ELMO1: variants seen among roughly 807,000 people sequenced by gnomAD.
The protein encoded by ELMO1 is engulfment and cell motility 1, also known as engulfment and cell motility protein 1.
In ELMO1, 26 loss-of-function variants were observed where a neutral mutation model predicts 98.9. The observed-to-expected ratio is 0.26, with a 90% CI of 0.19 to 0.36. The LOEUF (loss-of-function observed/expected upper bound fraction) is 0.36, where lower values mean the gene tolerates loss of function less well. Among genes scored for constraint, ELMO1 ranks in the 10% least tolerant of loss-of-function variants. ELMO1 has a pLI of 1.00. For missense variants in ELMO1, 627 were observed against 935.2 expected, an observed-to-expected ratio of 0.67 and a Z score of 4.30; for synonymous variants, 346 against 346.0, an observed-to-expected ratio of 1.00 and a Z score of 0.00.
intron 1 of ELMO1, among the ~76,000 whole-genome samples, chr7:37,428,434 G>A (rs1804797888): frequency 6.6e-6 from 1 of 152,154 alleles, no homozygotes; most frequent in Non-Finnish European, 1.5e-5. Context: ...CTCCAGACAG[G>A]GATTGGGCAG....
intron 16 of ELMO1, among the ~76,000 whole-genome samples, chr7:36,986,895 AG>A: frequency 6.6e-6 from 1 of 152,314 alleles, no homozygotes; most frequent in East Asian, 1.9e-4. Context: ...AAACATAAAC[AG>A]CCTCTACCCC....
chr7:36,977,480 C>T (rs1220606736), intron 16 of ELMO1, among the ~76,000 whole-genome samples: 1 of 152,198 alleles, frequency 6.6e-6, no homozygotes, highest in Non-Finnish European at 1.5e-5. Flanking sequence ...GGATAAGAGA[C>T]TTTCATATCC....
chr7:37,192,895 T>C (rs1791693811), intron 13 of ELMO1, among the ~76,000 whole-genome samples: 1 of 145,946 alleles, frequency 6.9e-6, no homozygotes, highest in African/African-American at 2.5e-5. Flanking sequence ...TATATATTTA[T>C]CTATAGATAC....
rs1377328124 is a variant in ELMO1 at position 37,110,185 on chromosome 7, CT to C, written c.1192-13459del. On this transcript the variant is annotated intron_variant, in intron 14 of 21. Coordinates refer to ENST00000310758, the MANE Select transcript of ELMO1 (RefSeq NM_014800.11). Reference sequence around the variant, plus strand: ...CAGATGTTACATGCCAAAAAGGCTACTTTTTTTCTTCATTTCAGAATTCTTT... The same window carrying C: ...CAGATGTTACATGCCAAAAAGGCTACTTTTTTCTTCATTTCAGAATTCTTT... 4.6e-5 allele frequency among the ~76,000 whole-genome samples: 7 copies of C among 152,330 alleles called. No individual in the cohort carries two copies. The East Asian group carries it at 7.7e-4, about 17-fold the overall frequency.
At chr7:37,438,109 C>CATCT (rs1178616094) in intron 1 of ELMO1, among the ~76,000 whole-genome samples, 3 of 152,154 alleles carry the variant, frequency 2.0e-5, no homozygotes, top group Non-Finnish European at 4.4e-5. Flanking sequence ...GTTTGACCAA[C>CATCT]ATCTCCTCTT....
At chr7:36,987,946 T>C (rs912360790) in intron 16 of ELMO1, among the ~76,000 whole-genome samples, 4 of 152,172 alleles carry the variant, frequency 2.6e-5, no homozygotes, top group Non-Finnish European at 5.9e-5. Context: ...TTATTAAAGA[T>C]GGGGTTTCAC....
At chr7:37,186,581 A>C (rs1410158010) in intron 13 of ELMO1, among the ~76,000 whole-genome samples, 1 of 152,240 alleles carries the variant, frequency 6.6e-6, no homozygotes, top group Non-Finnish European at 1.5e-5. Flanking sequence ...ACTTGTATCT[A>C]GAACATACAG....
rs562009739 is a variant in ELMO1 at position 37,002,957 on chromosome 7, T to C, written c.1437+10342A>G. The stretch of plus-strand genomic sequence containing the variant: ...ACTCAGGGGCATCTGAGTGAGTTGT[T>C]GCCAAAAGTGATAGCTGCAGGCTTG... On this transcript the variant is annotated intron_variant, in intron 16 of 21. Coordinates refer to ENST00000310758, the MANE Select transcript of ELMO1 (RefSeq NM_014800.11). Among the ~76,000 whole-genome samples, 7 of 152,296 alleles carry C rather than the reference T, an allele frequency of 4.6e-5. No homozygotes were observed. In the East Asian group the frequency reaches 1.2e-3, roughly 25 times the overall value.
At chr7:37,123,835 A>G (rs1786284296) in intron 14 of ELMO1, among the ~76,000 whole-genome samples, 1 of 152,216 alleles carries the variant, frequency 6.6e-6, no homozygotes, top group African/African-American at 2.4e-5. Context: ...ACACAACAAA[A>G]AAAGAGAATT....
chr7:36,914,428 T>C (rs1261659204), intron 16 of ELMO1, among the ~76,000 whole-genome samples: 1 of 152,208 alleles, frequency 6.6e-6, no homozygotes, highest in African/African-American at 2.4e-5. Flanking sequence ...ATGATAAAAT[T>C]TACCCTATAG....
chr7:37,191,655 C>T (rs1200637031), intron 13 of ELMO1, among the ~76,000 whole-genome samples: 1 of 152,182 alleles, frequency 6.6e-6, no homozygotes, highest in East Asian at 1.9e-4. Context: ...CACGGTGGCT[C>T]AAGCCTGTAA....
intron 13 of ELMO1, among the ~76,000 whole-genome samples, chr7:37,204,563 A>T (rs2037622380): frequency 6.6e-6 from 1 of 152,218 alleles, no homozygotes; most frequent in African/African-American, 2.4e-5. Context: ...CAAAGCTTCC[A>T]CAGCATGGAA....
chr7:37,172,134 T>G (rs1242461972), intron 13 of ELMO1, among the ~76,000 whole-genome samples: 1 of 152,184 alleles, frequency 6.6e-6, no homozygotes, highest in East Asian at 1.9e-4. Flanking sequence ...AGAGCTGACT[T>G]AGAGTGAGTA....
At chr7:37,399,552 T>C (rs1803438835) in intron 1 of ELMO1, among the ~76,000 whole-genome samples, 1 of 152,148 alleles carries the variant, frequency 6.6e-6, no homozygotes, top group South Asian at 2.1e-4. Context: ...GTCAAGTACA[T>C]GGAGAAGGAG....
chr7:37,042,532 T>C (rs114077328), intron 15 of ELMO1, among the ~76,000 whole-genome samples: 1,597 of 152,268 alleles, frequency 0.01, 32 homozygotes, highest in African/African-American at 0.036. Flanking sequence ...CTGAATGTCT[T>C]TGGGCCCGGT....
In ELMO1 at chr7:36,917,986, T is replaced by C. The variant is rs117064990; in HGVS notation, c.1438-22969A>G. Among the ~76,000 whole-genome samples the C allele has an allele frequency of 1.4e-3, 206 of 152,340 alleles. 1 individual carries two copies. Among genetic ancestry groups the C allele is most frequent in the Non-Finnish European group, 2.4e-3 (165 of 68,030 alleles). ...TTCTTACTTTCTATATAGTCTATAT[T>C]ACAGAGATTTATCATTTATGTAAAT... On this transcript the variant is annotated intron_variant, in intron 16 of 21. Coordinates refer to ENST00000310758, the MANE Select transcript of ELMO1 (RefSeq NM_014800.11).
At chr7:37,277,635 A>AT (rs754702878) in intron 4 of ELMO1, among the ~76,000 whole-genome samples, 60 of 152,336 alleles carry the variant, frequency 3.9e-4, no homozygotes, top group Non-Finnish European at 8.1e-4. Flanking sequence ...TATGGCCGGC[A>AT]TATCTGTCCA....
At chr7:37,165,937 G>C (rs2129672238) in intron 13 of ELMO1, among the ~76,000 whole-genome samples, 1 of 152,214 alleles carries the variant, frequency 6.6e-6, no homozygotes, top group African/African-American at 2.4e-5. Context: ...TGTACCTCTG[G>C]GAGAATTCGG....
At chr7:37,016,632 C>A (rs890056835) in intron 15 of ELMO1, among the ~76,000 whole-genome samples, 4 of 152,186 alleles carry the variant, frequency 2.6e-5, no homozygotes, top group African/African-American at 9.7e-5. Context: ...AAGTGCGTAG[C>A]CAGTGCCTGC....
Sources: gnomAD v4.1 joint callset for allele counts (sites outside exome capture counted in the v4.1 genomes callset) on GRCh38, gnomAD v4.1.1 for gene constraint, MANE v1.5 for transcripts, NCBI Gene and HGNC (gene_info 2026-07-23, HGNC 2026-07-21) for gene names.